The following CHD9 variants were observed in gnomAD, a reference collection of about 807,000 sequenced individuals.
The protein encoded by CHD9 is chromodomain helicase DNA binding protein 9.
A neutral mutation model predicts 316.1 loss-of-function variants in CHD9; 77 were observed. The ratio of observed to expected loss-of-function variants is 0.24; its 90% CI spans 0.20 to 0.29. CHD9 has a LOEUF of 0.29. Among genes scored for constraint, CHD9 ranks in the 10% least tolerant of loss-of-function variants. The pLI is 1.00. For missense variants in CHD9, 2,763 were observed against 3,438.1 expected, an observed-to-expected ratio of 0.80 and a Z score of 4.91; for synonymous variants, 1,129 against 1,158.3, an observed-to-expected ratio of 0.97 and a Z score of 0.51.
At position 53,156,135 on chromosome 16, in the gene CHD9, G is replaced by A; in HGVS notation, c.46G>A (p.Gly16Ser). The change falls in exon 2 of 39, where the codon GGT becomes AGT. Residue 16 changes from glycine (G) to serine (S), a missense_variant. Transcript: ENST00000447540. ...CTTTTTTGATGATGCCAATCTTTTTGGTGAGACCTTAGAAGGTTTGTCAGA... is the reference window on the plus strand; with the variant it reads ...CTTTTTTGATGATGCCAATCTTTTTAGTGAGACCTTAGAAGGTTTGTCAGA... ...MDFFDDANLF[G>S]ETLEGLSDDA... 6.2e-7 allele frequency: 1 copy of A among 1,613,234 alleles called. No homozygotes were observed. The highest frequency in any genetic ancestry group is 8.5e-7 in the Non-Finnish European group (1 of 1,179,712).
At chr16:53,270,170 T>A (rs1434034847) in intron 22 of CHD9, among the ~76,000 whole-genome samples, 1 of 149,492 alleles carries the variant, frequency 6.7e-6, no homozygotes, top group Non-Finnish European at 1.5e-5. Context: ...AATTTTTTTT[T>A]TTTTTTTTTT....
intron 1 of CHD9, among the ~76,000 whole-genome samples, chr16:53,151,449 T>C (rs2041109662): frequency 6.6e-6 from 1 of 151,894 alleles, no homozygotes; most frequent in African/African-American, 2.4e-5. Context: ...AGAGATGGGG[T>C]TTCACCATGT....
At chr16:53,232,834 A>G (rs1264822159) in intron 10 of CHD9, among the ~76,000 whole-genome samples, 1 of 152,206 alleles carries the variant, frequency 6.6e-6, no homozygotes, top group African/African-American at 2.4e-5. Context: ...CAGAGCTTCA[A>G]TAACCAGTCC....
chr16:53,108,339 A>G (rs1191598818), intron 1 of CHD9, among the ~76,000 whole-genome samples: 1 of 80,706 alleles, frequency 1.2e-5, no homozygotes, highest in Non-Finnish European at 3.8e-5. Context: ...CCATCTCTAC[A>G]AAAAATACAA....
At chr16:53,109,901 G>C (rs561765188) in intron 1 of CHD9, among the ~76,000 whole-genome samples, 17 of 148,322 alleles carry the variant, frequency 1.1e-4, no homozygotes, top group Non-Finnish European at 1.9e-4. Context: ...AGCCAGGATG[G>C]TCTCGATCTC....
At chr16:53,296,929 T>C (rs1293485148) in intron 29 of CHD9, 27 bp from the exon 30 acceptor site, 1 of 1,554,820 alleles carries the variant, frequency 6.4e-7, no homozygotes, top group Admixed American at 1.7e-5. Context: ...CTAGTGTGGT[T>C]TTTTTCTTTA....
intron 22 of CHD9, 21 bp from the exon 23 acceptor site, chr16:53,273,605 T>C (rs2052506447): frequency 6.6e-7 from 1 of 1,524,484 alleles, no homozygotes; most frequent in Non-Finnish European, 8.8e-7. Context: ...ATTCCTAATT[T>C]ATATGTCCTT....
Position 53,235,241 on chromosome 16 carries a change from T to C in CHD9, c.2568T>C (p.Asn856=). The C allele has an allele frequency of 6.5e-7, 1 of 1,549,932 alleles. No homozygotes were observed. Among genetic ancestry groups the C allele is most frequent in the Non-Finnish European group, 8.7e-7 (1 of 1,144,356 alleles). ...TAGATCAATCCAGGGACTATAAAAA[T>C]GGCAATCAACTCAGGGAATATCAAC... ...KKIDQSRDYK[N]GNQLREYQLE... The change falls in exon 11 of 39, where the codon AAT becomes AAC. Residue 856 remains asparagine (N), a synonymous_variant. Transcript: ENST00000447540.
chr16:53,162,248 G>A (rs552700180), intron 2 of CHD9, among the ~76,000 whole-genome samples: 1 of 152,288 alleles, frequency 6.6e-6, no homozygotes, highest in South Asian at 2.1e-4. Flanking sequence ...ATGAAGAATA[G>A]TAGGGTTGTT....
chr16:53,193,914 A>G (rs1300394432), intron 2 of CHD9, among the ~76,000 whole-genome samples: 4 of 152,214 alleles, frequency 2.6e-5, no homozygotes, highest in South Asian at 2.1e-4. Context: ...ATAATATACT[A>G]TAGTAATATT....
At chr16:53,077,288 A>ATT (rs953937029) in intron 1 of CHD9, among the ~76,000 whole-genome samples, 1 of 134,702 alleles carries the variant, frequency 7.4e-6, no homozygotes, top group South Asian at 2.3e-4. Context: ...GTGCTTGCCC[A>ATT]TTTTTTTTTT....
chr16:53,235,404 T>A (rs2110843), intron 11 of CHD9, 98 bp downstream of exon 11: 417,918 of 894,636 alleles, frequency 0.47, 98,894 homozygotes, highest in African/African-American at 0.6. Flanking sequence ...TGTTATTGTT[T>A]TGAAGTCTTC....
At chr16:53,320,672 G>T (rs1315287313) in intron 37 of CHD9, among the ~76,000 whole-genome samples, 3 of 152,000 alleles carry the variant, frequency 2.0e-5, no homozygotes, top group African/African-American at 7.2e-5. Context: ...ATGTTAAATT[G>T]GTAGGTATAA....
intron 1 of CHD9, among the ~76,000 whole-genome samples, chr16:53,078,681 C>A (rs1284734359): frequency 6.6e-6 from 1 of 152,138 alleles, no homozygotes; most frequent in African/African-American, 2.4e-5. Flanking sequence ...TTGGACTATA[C>A]AGAATTCCTA....
Position 53,318,264 on chromosome 16 carries a change from A to G in CHD9, c.7637A>G (p.Asn2546Ser). 6.2e-7 allele frequency: 1 copy of G among 1,613,098 alleles called. No homozygotes were observed. The highest frequency in any genetic ancestry group is 8.5e-7 in the Non-Finnish European group (1 of 1,179,326). Residue 2546 changes from asparagine (N) to serine (S), a missense_variant, in exon 37 of 39, where the codon AAC becomes AGC. Transcript: ENST00000447540. ...AAACAAAAAAGACACCGTTGCAGAAACCCCAATAAACTAGATGTGAATAGT... is the reference window on the plus strand; with the variant it reads ...AAACAAAAAAGACACCGTTGCAGAAGCCCCAATAAACTAGATGTGAATAGT... ...RPKQKRHRCR[N>S]PNKLDVNSLT...
chr16:53,166,580 T>G (rs2152768335), intron 2 of CHD9, among the ~76,000 whole-genome samples: 1 of 152,310 alleles, frequency 6.6e-6, no homozygotes, highest in South Asian at 2.1e-4. Flanking sequence ...AATTTATTCC[T>G]ATGATTGTAA....
chr16:53,291,586 TA>T (rs2054338554), intron 27 of CHD9, 138 bp from the exon 28 acceptor site: 1 of 560,970 alleles, frequency 1.8e-6, no homozygotes, highest in Non-Finnish European at 3.0e-6. Context: ...TTGAAAGTTT[TA>T]TTTTTGCTAA....
At chr16:53,170,857 A>G (rs754162719) in intron 2 of CHD9, among the ~76,000 whole-genome samples, 12 of 152,078 alleles carry the variant, frequency 7.9e-5, no homozygotes, top group Non-Finnish European at 1.6e-4. Context: ...TGAATTCAGA[A>G]AGTTTTTTGA....
At chr16:53,312,982 A>G (rs2056593731) in intron 34 of CHD9, among the ~76,000 whole-genome samples, 1 of 152,312 alleles carries the variant, frequency 6.6e-6, no homozygotes, top group Admixed American at 6.5e-5. Flanking sequence ...ATTCAAGATT[A>G]TGTACTCTTT....
Sources: allele counts gnomAD v4.1 joint callset (sites outside exome capture counted in the v4.1 genomes callset), GRCh38; gene constraint gnomAD v4.1.1; transcripts MANE v1.5; gene names NCBI Gene and HGNC (gene_info 2026-07-23, HGNC 2026-07-21).